Variants in VPS8 observed in about 807,000 individuals in gnomAD.
VPS8 encodes the protein VPS8 subunit of CORVET complex, also known as vacuolar protein sorting-associated protein 8 homolog.
A neutral mutation model predicts 216.4 loss-of-function variants in VPS8; 129 were observed. That is an observed-to-expected ratio of 0.60 (90% CI 0.52 to 0.69). VPS8 has a LOEUF of 0.69. VPS8 is among the 30% of genes least tolerant of loss of function. The pLI is 0.00. For missense variants in VPS8, 1,531 were observed against 1,683.5 expected (o/e 0.91, Z 1.59); for synonymous variants, 571 against 565.4 (o/e 1.01, Z -0.14).
intron 21 of VPS8, among the ~76,000 whole-genome samples, chr3:184,874,640 T>C (rs1356987848): frequency 1.3e-5 from 2 of 152,210 alleles, no homozygotes; most frequent in African/African-American, 2.4e-5. Flanking sequence ...ATAAACTTAG[T>C]ATGAGCCAAT....
chr3:184,892,362 G>T (rs1421423344), intron 22 of VPS8, among the ~76,000 whole-genome samples: 1 of 152,026 alleles, frequency 6.6e-6, no homozygotes, highest in Non-Finnish European at 1.5e-5. Context: ...GATTACAGGC[G>T]CGTGCCACCA....
intron 30 of VPS8, among the ~76,000 whole-genome samples, chr3:184,925,770 C>CTTTT (rs1166465662): frequency 6.9e-6 from 1 of 144,446 alleles, no homozygotes; most frequent in African/African-American, 2.7e-5. Context: ...TTTTCTCTCT[C>CTTTT]TATTTTTTTT....
chr3:184,847,312 A>C (rs1560363700), intron 8 of VPS8, among the ~76,000 whole-genome samples: 1 of 152,252 alleles, frequency 6.6e-6, no homozygotes, highest in Non-Finnish European at 1.5e-5. Flanking sequence ...CTGAATGGGC[A>C]AAAGGACTGA....
chr3:185,012,393 G>C (rs1417356223), intron 45 of VPS8, among the ~76,000 whole-genome samples: 1 of 147,390 alleles, frequency 6.8e-6, no homozygotes, highest in Non-Finnish European at 1.5e-5. Context: ...AACATATATA[G>C]AATATATATA....
chr3:185,020,161 T>G (rs1445885068), intron 45 of VPS8, among the ~76,000 whole-genome samples: 2 of 152,236 alleles, frequency 1.3e-5, no homozygotes, highest in African/African-American at 4.8e-5. Flanking sequence ...AAAAATAATT[T>G]TTAAAAATTG....
chr3:184,893,293 T>G lies in VPS8; in HGVS notation c.1782-1410T>G, dbSNP rs562389133. ...TTCAGGAGCTTCCTTGATGTTTTTG[T>G]GGAACTTGTCATGAAAGACCATACC... On this transcript the variant is annotated intron_variant, in intron 22 of 47. Transcript: ENST00000625842. 5.6e-4 allele frequency: 716 copies of G among 1,288,140 alleles called. 2 individuals are homozygous for G. The African/African-American group carries it at 0.01, about 19-fold the overall frequency. The allele number at this position is 1,288,140 out of a possible 1,614,324, so 79.8% of individuals were successfully genotyped here. A position where few individuals can be genotyped will look rare whatever the true frequency, so the allele number is the denominator to read the frequency against.
intron 21 of VPS8, among the ~76,000 whole-genome samples, chr3:184,874,507 A>G (rs1034386837): frequency 4.6e-5 from 7 of 152,186 alleles, no homozygotes; most frequent in Admixed American, 1.3e-4. Flanking sequence ...AGTGCAATCA[A>G]AATCATCATG....
intron 1 of VPS8, among the ~76,000 whole-genome samples, chr3:184,818,521 CAAAA>C (rs11310520): frequency 2.2e-5 from 2 of 89,276 alleles, no homozygotes; most frequent in Non-Finnish European, 4.8e-5. Context: ...GAACCTGTCT[CAAAA>C]AAAAAAAAAA....
chr3:184,925,017 C>G, intron 30 of VPS8, 36 bp downstream of exon 30: 1 of 1,591,666 alleles, frequency 6.3e-7, no homozygotes. Context: ...AAGGTTTTTT[C>G]CTGTTTACTG....
intron 45 of VPS8, among the ~76,000 whole-genome samples, chr3:185,000,298 C>G (rs1467110355): frequency 6.6e-6 from 1 of 152,184 alleles, no homozygotes; most frequent in East Asian, 1.9e-4. Flanking sequence ...CCTTTGGAGT[C>G]TGACTACTGG....
At chr3:184,836,208 C>A (rs773510199) in intron 5 of VPS8, 14 of 453,890 alleles carry the variant, frequency 3.1e-5, no homozygotes, top group Non-Finnish European at 5.3e-5. Flanking sequence ...GATGCTCAAG[C>A]AATAGAGGAA....
chr3:184,955,695 G>A (rs998497169), intron 36 of VPS8, among the ~76,000 whole-genome samples: 17 of 152,004 alleles, frequency 1.1e-4, no homozygotes, highest in Non-Finnish European at 1.8e-4. Flanking sequence ...GACCCTACAC[G>A]TTTTCCTCTG....
At chr3:185,026,616 T>A (rs1405971532) in intron 46 of VPS8, among the ~76,000 whole-genome samples, 1 of 151,748 alleles carries the variant, frequency 6.6e-6, no homozygotes, top group Non-Finnish European at 1.5e-5. Context: ...TTCACCATGT[T>A]GGTCAGCTGG....
rs1266288870 is a variant in VPS8, at chr3:185,017,778, C to T, written c.4003-6558C>T. Among the ~76,000 whole-genome samples, 7 of 152,180 alleles carry T rather than the reference C, an allele frequency of 4.6e-5. 1 individual carries two copies. The South Asian group carries it at 8.3e-4, about 18-fold the overall frequency. On this transcript the variant is annotated intron_variant, in intron 45 of 47. Transcript: ENST00000625842. ...GCTGTGGCGGGGGACAGACATTGTA[C>T]GGGGGTGAGGGAATGGCCTGAGCCG...
intron 14 of VPS8, among the ~76,000 whole-genome samples, chr3:184,857,569 A>G (rs1577927213): frequency 6.6e-6 from 1 of 152,328 alleles, no homozygotes; most frequent in South Asian, 2.1e-4. Context: ...CATGTGCTTT[A>G]TTATGAGAGA....
chr3:184,896,206 T>C (rs1022108851), intron 23 of VPS8, among the ~76,000 whole-genome samples: 2 of 152,164 alleles, frequency 1.3e-5, no homozygotes, highest in Non-Finnish European at 2.9e-5. Context: ...TTTGGCATAG[T>C]CTTCATAGTC....
At chr3:184,994,992 C>T (rs916586661) in intron 43 of VPS8, among the ~76,000 whole-genome samples, 1 of 152,192 alleles carries the variant, frequency 6.6e-6, no homozygotes, top group African/African-American at 2.4e-5. Context: ...GAAACTTATT[C>T]ACTATCACGA....
intron 42 of VPS8, among the ~76,000 whole-genome samples, chr3:184,984,101 G>T (rs1284045462): frequency 2.1e-5 from 3 of 140,304 alleles, no homozygotes; most frequent in South Asian, 2.5e-4. Context: ...GGAGAATGGC[G>T]TGAACCCGGG....
chr3:184,813,421 T>G (rs2108446516), intron 1 of VPS8, among the ~76,000 whole-genome samples: 1 of 152,270 alleles, frequency 6.6e-6, no homozygotes, highest in East Asian at 1.9e-4. Flanking sequence ...TCTGCCTGTG[T>G]GGGTTTGAGG....
Sources: allele counts gnomAD v4.1 joint callset (sites outside exome capture counted in the v4.1 genomes callset), GRCh38; gene constraint gnomAD v4.1.1; transcripts MANE v1.5; gene names NCBI Gene and HGNC (gene_info 2026-07-23, HGNC 2026-07-21).